Variants in THRB observed in about 807,000 individuals in gnomAD.
THRB encodes the protein thyroid hormone receptor beta, also known as nuclear receptor subfamily 1 group A member 2.
THRB carries 12 observed loss-of-function variants against 47.8 expected under a neutral mutation model. The ratio of observed to expected loss-of-function variants is 0.25; its 90% CI spans 0.16 to 0.41. THRB has a LOEUF of 0.41. Ranked by LOEUF, THRB falls within the 10% of genes least tolerant of loss-of-function variation. The pLI, the probability that THRB is intolerant of heterozygous loss-of-function variation, is 1.00. For synonymous variants in THRB, 218 were observed against 212.2 expected, an observed-to-expected ratio of 1.03 and a Z score of -0.24; for missense variants, 348 against 589.2, an observed-to-expected ratio of 0.59 and a Z score of 4.24.
chr3:24,365,193 T>A (rs1447308467), intron 1 of THRB, among the ~76,000 whole-genome samples: 5 of 152,314 alleles, frequency 3.3e-5, no homozygotes, highest in African/African-American at 1.2e-4. Context: ...CACCAACAGT[T>A]ACTTGAAAGA....
intron 4 of THRB, among the ~76,000 whole-genome samples, chr3:24,223,890 GT>G (rs1299554592): frequency 1.4e-5 from 2 of 142,864 alleles, no homozygotes; most frequent in African/African-American, 5.3e-5. Flanking sequence ...ATCAATGTGT[GT>G]GTGGGGGGGG....
intron 3 of THRB, among the ~76,000 whole-genome samples, chr3:24,239,269 T>G (rs1212017717): frequency 1.3e-5 from 2 of 152,056 alleles, no homozygotes; most frequent in East Asian, 3.9e-4. Flanking sequence ...TTAATTCTGC[T>G]TGGTAAAGGT....
intron 2 of THRB, among the ~76,000 whole-genome samples, chr3:24,320,003 A>T (rs1342313459): frequency 6.6e-6 from 1 of 152,196 alleles, no homozygotes; most frequent in Non-Finnish European, 1.5e-5. Flanking sequence ...ATGAGTGGAC[A>T]TCCCAGCTAC....
At chr3:24,257,678 C>T (rs1384651301) in intron 3 of THRB, among the ~76,000 whole-genome samples, 1 of 152,212 alleles carries the variant, frequency 6.6e-6, no homozygotes, top group Non-Finnish European at 1.5e-5. Flanking sequence ...AGTGAATGAG[C>T]ACAGCCCAAT....
At chr3:24,124,049 C>G (rs1392368369) in intron 10 of THRB, among the ~76,000 whole-genome samples, 1 of 152,198 alleles carries the variant, frequency 6.6e-6, no homozygotes, top group African/African-American at 2.4e-5. Context: ...GGAGGCCCAA[C>G]GTGCCCCTGC....
intron 1 of THRB, among the ~76,000 whole-genome samples, chr3:24,390,639 T>G (rs1006024083): frequency 2.6e-5 from 4 of 152,176 alleles, no homozygotes; most frequent in Middle Eastern, 3.4e-3. Context: ...TTGGTAGCTT[T>G]GCTTTATGGC....
chr3:24,188,702 T>C (rs2042917622), intron 5 of THRB, among the ~76,000 whole-genome samples: 1 of 151,908 alleles, frequency 6.6e-6, no homozygotes, highest in African/African-American at 2.4e-5. Context: ...CCACATACGC[T>C]AAGAGTAAAT....
In THRB at chr3:24,364,550, T is replaced by C. The variant is rs542187998; in HGVS notation, c.-260-27179A>G. On this transcript the variant is annotated intron_variant, in intron 1 of 10. Transcript: ENST00000646209. The stretch of plus-strand genomic sequence containing the variant: ...ATGAGAAAACTGAGATCTGAAAAGA[T>C]TGAATAACTTGTTCTGTGTCACGTA... Among the ~76,000 whole-genome samples the C allele has an allele frequency of 3.3e-5, 5 of 152,302 alleles. No individual in the cohort carries two copies. The South Asian group carries it at 8.3e-4, about 25-fold the overall frequency.
chr3:24,444,558 C>T (rs745336665), intron 1 of THRB, among the ~76,000 whole-genome samples: 2 of 152,066 alleles, frequency 1.3e-5, no homozygotes, highest in Non-Finnish European at 2.9e-5. Flanking sequence ...CAAACTTTTC[C>T]AAAATAATTC....
intron 1 of THRB, among the ~76,000 whole-genome samples, chr3:24,471,641 G>A (rs1694724131): frequency 6.6e-6 from 1 of 152,026 alleles, no homozygotes; most frequent in African/African-American, 2.4e-5. Context: ...TATCTTCATG[G>A]TGTCCCTTAC....
chr3:24,423,322 A>G (rs530424464), intron 1 of THRB, among the ~76,000 whole-genome samples: 1 of 152,044 alleles, frequency 6.6e-6, no homozygotes, highest in Admixed American at 6.6e-5. Context: ...TAGATGGGGA[A>G]GGATGAGAGA....
At chr3:24,227,971 A>G (rs1576104941) in intron 4 of THRB, among the ~76,000 whole-genome samples, 1 of 152,190 alleles carries the variant, frequency 6.6e-6, no homozygotes, top group South Asian at 2.1e-4. Flanking sequence ...AGTCTATAAA[A>G]TTTTTATAAG....
chr3:24,467,882 C>T (rs925530297), intron 1 of THRB, among the ~76,000 whole-genome samples: 4 of 115,066 alleles, frequency 3.5e-5, no homozygotes, highest in African/African-American at 1.3e-4. Context: ...GCCAGTCTGT[C>T]CTTTGAAGAT....
chr3:24,139,582 C>T (rs183460281), intron 8 of THRB, among the ~76,000 whole-genome samples: 6 of 152,132 alleles, frequency 3.9e-5, no homozygotes, highest in South Asian at 2.1e-4. Flanking sequence ...GATGGAGTCT[C>T]GCTATGTTTA....
chr3:24,291,830 C>A (rs2055948040), intron 3 of THRB, among the ~76,000 whole-genome samples: 1 of 152,034 alleles, frequency 6.6e-6, no homozygotes, highest in African/African-American at 2.4e-5. Context: ...TGACAAAATT[C>A]CAAATGTACA....
At chr3:24,235,254 C>T (rs78592786) in intron 3 of THRB, among the ~76,000 whole-genome samples, 6,844 of 152,224 alleles carry the variant, frequency 0.045, 222 homozygotes, top group South Asian at 0.17. Context: ...GCACGCTTGC[C>T]CTGACCACAC....
At chr3:24,283,672 T>C (rs1370456581) in intron 3 of THRB, among the ~76,000 whole-genome samples, 4 of 147,910 alleles carry the variant, frequency 2.7e-5, no homozygotes, top group Admixed American at 2.7e-4. Flanking sequence ...CATGATTGTA[T>C]ATCTAGAAAA....
chr3:24,121,573 G>A lies in THRB; in HGVS notation c.*1311C>T, dbSNP rs1311553006. The A allele has an allele frequency of 6.6e-6, 1 of 152,638 alleles. No homozygotes were observed. The highest frequency in any genetic ancestry group is 2.4e-5 in the African/African-American group (1 of 41,444). The allele number at this position is 152,638 out of a possible 1,614,324, so 9.5% of individuals were successfully genotyped here. A position where few individuals can be genotyped will look rare whatever the true frequency, so the allele number is the denominator to read the frequency against. ...AAGCTATTCTAGCATGGGCCGTTGG[G>A]GAGGCAGGTTGGGCAGGAAAGTTAA... On this transcript the variant is annotated 3_prime_UTR_variant, in exon 11 of 11. Transcript: ENST00000646209.
chr3:24,427,427 C>G (rs1386196625), intron 1 of THRB, among the ~76,000 whole-genome samples: 2 of 151,986 alleles, frequency 1.3e-5, no homozygotes, highest in Non-Finnish European at 2.9e-5. Context: ...AGGTAAACCT[C>G]TCCCTTCCAG....
Sources: gnomAD v4.1 joint callset for allele counts (sites outside exome capture counted in the v4.1 genomes callset) on GRCh38, gnomAD v4.1.1 for gene constraint, MANE v1.5 for transcripts, NCBI Gene and HGNC (gene_info 2026-07-23, HGNC 2026-07-21) for gene names.